Variants in HACE1 observed in about 807,000 individuals in gnomAD.
HACE1 encodes HECT domain and ankyrin repeat containing E3 ubiquitin protein ligase 1, also known as E3 ubiquitin-protein ligase HACE1.
In HACE1, 73 loss-of-function variants were observed where a neutral mutation model predicts 118.4. The observed-to-expected ratio is 0.62, with a 90% confidence interval of 0.51 to 0.75. HACE1 has a LOEUF of 0.75. Ranked by LOEUF, HACE1 falls within the 30% of genes least tolerant of loss-of-function variation. The probability of loss-of-function intolerance (pLI) is 0.00; values close to 1 mark genes in which losing one functional copy is unlikely to be tolerated. For missense variants in HACE1, 749 were observed against 1,102.2 expected, an observed-to-expected ratio of 0.68 and a Z score of 4.54; for synonymous variants, 368 against 374.8, an observed-to-expected ratio of 0.98 and a Z score of 0.21.
Position 104,774,393 on chromosome 6 carries a change from C to CT in HACE1, c.1865-2320dup, listed in dbSNP as rs1160033149. ...GCGTGAGCCACCGCGCCCGGCCTCTCTTTTTTTTTTGAGACGGAGTCTCGC... is the reference window on the plus strand; with the variant it reads ...GCGTGAGCCACCGCGCCCGGCCTCTCTTTTTTTTTTTGAGACGGAGTCTCGC... On this transcript the variant is annotated intron_variant, in intron 17 of 23. Coordinates refer to ENST00000262903, the MANE Select transcript of HACE1 (RefSeq NM_020771.4). Among the ~76,000 whole-genome samples, 38 of 73,752 alleles carry CT rather than the reference C, an allele frequency of 5.2e-4. 4 individuals carry two copies. The highest frequency in any genetic ancestry group is 1.6e-3 in the African/African-American group (26 of 16,166). 48.4% of individuals were successfully genotyped at this position (73,752 alleles called of 152,430 possible). A position where few individuals can be genotyped will look rare whatever the true frequency, so the allele number is the denominator to read the frequency against.
At chr6:104,835,737 C>T (rs962164771) in intron 5 of HACE1, among the ~76,000 whole-genome samples, 3 of 151,964 alleles carry the variant, frequency 2.0e-5, no homozygotes, top group Admixed American at 6.5e-5. Context: ...TATTATCCAT[C>T]GAAATGGATA....
intron 22 of HACE1, among the ~76,000 whole-genome samples, chr6:104,741,035 C>T (rs1203585341): frequency 1.1e-4 from 14 of 132,124 alleles, no homozygotes; most frequent in African/African-American, 3.2e-4. Flanking sequence ...TAATCCAGCA[C>T]ATAAACAGAA....
At chr6:104,739,503 C>G (rs1335450452) in intron 22 of HACE1, among the ~76,000 whole-genome samples, 2 of 151,838 alleles carry the variant, frequency 1.3e-5, no homozygotes, top group African/African-American at 2.4e-5. Context: ...CAAAAAAAGG[C>G]AGGGGTTGCA....
At chr6:104,819,087 A>T (rs559436112) in intron 6 of HACE1, among the ~76,000 whole-genome samples, 2 of 152,364 alleles carry the variant, frequency 1.3e-5, no homozygotes, top group East Asian at 3.9e-4. Context: ...ATAGCAAGAA[A>T]AGAAGTCAAA....
intron 19 of HACE1, among the ~76,000 whole-genome samples, chr6:104,762,989 CAAAAAAAAAAAAAAA>C (rs56232124): frequency 4.0e-4 from 13 of 32,256 alleles, no homozygotes; most frequent in Non-Finnish European, 7.7e-4. Flanking sequence ...GACTCCATCT[CAAAAAAAAAAAAAAA>C]AAAAAAAGAA....
At chr6:104,848,485 A>G (rs919639780) in intron 4 of HACE1, among the ~76,000 whole-genome samples, 2 of 151,856 alleles carry the variant, frequency 1.3e-5, no homozygotes, top group Non-Finnish European at 2.9e-5. Flanking sequence ...AGTTTATAAA[A>G]TATAAGTTCT....
intron 19 of HACE1, among the ~76,000 whole-genome samples, chr6:104,753,113 T>A (rs1778237284): frequency 6.6e-6 from 1 of 152,210 alleles, no homozygotes; most frequent in Admixed American, 6.5e-5. Context: ...TAAAACAAAT[T>A]AATATTATCT....
At chr6:104,731,212 T>G (rs1775164023) in intron 22 of HACE1, 1 of 152,200 alleles carries the variant, frequency 6.6e-6, no homozygotes, top group African/African-American at 2.4e-5. Flanking sequence ...AAAAAAATTC[T>G]ATTGCTTTTA....
intron 6 of HACE1, among the ~76,000 whole-genome samples, chr6:104,830,278 C>G (rs1031783871): frequency 1.3e-5 from 2 of 152,174 alleles, no homozygotes; most frequent in Admixed American, 1.3e-4. Flanking sequence ...GGACATTTCA[C>G]ATCTTTTTTT....
chr6:104,745,642 C>T (rs1359809947), intron 20 of HACE1, among the ~76,000 whole-genome samples: 1 of 151,806 alleles, frequency 6.6e-6, no homozygotes, highest in Admixed American at 6.6e-5. Context: ...GAGGTTTCAC[C>T]GTGTTAGCCA....
chr6:104,771,831 T>C (rs1780641677), intron 18 of HACE1, 94 bp downstream of exon 18: 1 of 882,916 alleles, frequency 1.1e-6, no homozygotes, highest in Non-Finnish European at 1.8e-6. Context: ...ATAAAAATTA[T>C]CTCATCCAAA....
chr6:104,793,064 C>T (rs191789248), intron 10 of HACE1, among the ~76,000 whole-genome samples: 2 of 151,240 alleles, frequency 1.3e-5, no homozygotes, highest in Non-Finnish European at 2.9e-5. Context: ...GTCAGGAGAT[C>T]GAGACCATCC....
rs1233313856 is a variant in HACE1 at position 104,802,734 on chromosome 6, T to C, written c.618-5709A>G. 3.3e-5 allele frequency among the ~76,000 whole-genome samples: 5 copies of C among 152,324 alleles called. No homozygotes were observed. The East Asian group carries it at 9.6e-4, about 29-fold the overall frequency. On this transcript the variant is annotated intron_variant, in intron 7 of 23. Transcript: ENST00000262903. ...AAAGCAGTGTGTAGAGGGAAATTTATAGCACTAAATGCCCACAAGAGAAAG... is the reference window on the plus strand; with the variant it reads ...AAAGCAGTGTGTAGAGGGAAATTTACAGCACTAAATGCCCACAAGAGAAAG...
chr6:104,743,063 C>G (rs542461271), intron 22 of HACE1, among the ~76,000 whole-genome samples: 18 of 149,672 alleles, frequency 1.2e-4, no homozygotes, highest in African/African-American at 4.4e-4. Context: ...ATCGCAAGAA[C>G]AAAAAACCAA....
chr6:104,746,161 G>A (rs538077797), intron 20 of HACE1, among the ~76,000 whole-genome samples: 5 of 152,262 alleles, frequency 3.3e-5, no homozygotes, highest in African/African-American at 1.2e-4. Context: ...TATTTTATGT[G>A]AATAAAATAT....
At chr6:104,765,540 G>A (rs1779900608) in intron 19 of HACE1, among the ~76,000 whole-genome samples, 1 of 152,148 alleles carries the variant, frequency 6.6e-6, no homozygotes, top group Admixed American at 6.5e-5. Flanking sequence ...CAATGACCTT[G>A]GCAAATTCCT....
At chr6:104,817,385 T>A (rs755511573) in intron 6 of HACE1, among the ~76,000 whole-genome samples, 1 of 152,076 alleles carries the variant, frequency 6.6e-6, no homozygotes, top group African/African-American at 2.4e-5. Flanking sequence ...TGTGTGGCAC[T>A]TCCCCCTTGC....
At chr6:104,793,221 C>A (rs531239833) in intron 10 of HACE1, among the ~76,000 whole-genome samples, 9 of 148,434 alleles carry the variant, frequency 6.1e-5, no homozygotes, top group South Asian at 2.1e-4. Flanking sequence ...AAGCCGAGAT[C>A]GCGCCACTGC....
chr6:104,790,226 T>C (rs1562375680), intron 11 of HACE1, among the ~76,000 whole-genome samples: 1 of 152,166 alleles, frequency 6.6e-6, no homozygotes, highest in Non-Finnish European at 1.5e-5. Flanking sequence ...CCATATCTAT[T>C]CTAAGTATTA....
Sources: allele counts gnomAD v4.1 joint callset (sites outside exome capture counted in the v4.1 genomes callset), GRCh38; gene constraint gnomAD v4.1.1; transcripts MANE v1.5; gene names NCBI Gene and HGNC (gene_info 2026-07-23, HGNC 2026-07-21).